The following SORCS3 variants were observed in gnomAD, a reference collection of about 807,000 sequenced individuals.
SORCS3 encodes the protein sortilin related VPS10 domain containing receptor 3.
SORCS3 carries 57 observed loss-of-function variants against 146.3 expected under a neutral mutation model. The ratio of observed to expected loss-of-function variants is 0.39; its 90% CI spans 0.31 to 0.49. The LOEUF is 0.49. Among genes scored for constraint, SORCS3 ranks in the 20% least tolerant of loss-of-function variants. The pLI is 0.92. For synonymous variants in SORCS3, 653 were observed against 618.5 expected, an observed-to-expected ratio of 1.06 and a Z score of -0.83; for missense variants, 1,341 against 1,575.5, an observed-to-expected ratio of 0.85 and a Z score of 2.52.
At position 104,641,800 on chromosome 10, in the gene SORCS3, G is replaced by A; in HGVS notation, c.473G>A (p.Arg158His). The A allele has an allele frequency of 2.6e-6, 4 of 1,550,490 alleles. No individual in the cohort carries two copies. Among genetic ancestry groups the A allele is most frequent in the Non-Finnish European group, 3.5e-6 (4 of 1,148,068 alleles). Residue 158 changes from arginine (R) to histidine (H), a missense_variant, in exon 1 of 27, where the codon CGT (arginine) becomes CAT (histidine). Arg to His is a conservative substitution (Grantham distance 29). Transcript: ENST00000369701. This position sits in a 1 kb window ranked among gnomAD's most constrained non-coding sequence, Gnocchi z 6.4. ...CCGGCCGATGGTTCCAGAGGAAGCCGTCCCCTTGCTAAGGGTTCCCGGGAG... is the reference window on the plus strand; with the variant it reads ...CCGGCCGATGGTTCCAGAGGAAGCCATCCCCTTGCTAAGGGTTCCCGGGAG... Reference protein sequence around the residue: ...TAPADGSRGSRPLAKGSREEV... With the variant: ...TAPADGSRGSHPLAKGSREEV...
chr10:105,024,721 G>A lies in SORCS3; in HGVS notation c.955-18334G>A, dbSNP rs550886033. ...TTCCACTTCAGGCATCATCCAAAAT[G>A]GAGACAGCAAAGCAAGCCTCATTAT... On this transcript the variant is annotated intron_variant, in intron 4 of 26. Transcript: ENST00000369701. Among the ~76,000 whole-genome samples the A allele has an allele frequency of 1.1e-4, 16 of 152,250 alleles. No individual in the cohort carries two copies. In the South Asian group the frequency reaches 2.7e-3, roughly 26 times the overall value.
intron 1 of SORCS3, among the ~76,000 whole-genome samples, chr10:104,806,612 A>ACGTAAGTT (rs1283871444): frequency 6.6e-6 from 1 of 152,222 alleles, no homozygotes; most frequent in Admixed American, 6.5e-5. Context: ...AAGGGAAATA[A>ACGTAAGTT]CGTAAGTTTT....
chr10:104,997,142 G>A (rs2055032110), intron 4 of SORCS3, among the ~76,000 whole-genome samples: 1 of 152,138 alleles, frequency 6.6e-6, no homozygotes, highest in Non-Finnish European at 1.5e-5. Flanking sequence ...TGATCAGAAA[G>A]TTACTCTGAG....
At chr10:104,759,507 TC>T (rs1428737997) in intron 1 of SORCS3, among the ~76,000 whole-genome samples, 1 of 152,200 alleles carries the variant, frequency 6.6e-6, no homozygotes, top group East Asian at 1.9e-4. Context: ...AACAGGGGAT[TC>T]TTGGATAATA....
chr10:105,143,885 G>T (rs2056112553), intron 8 of SORCS3, among the ~76,000 whole-genome samples: 1 of 152,056 alleles, frequency 6.6e-6, no homozygotes, highest in African/African-American at 2.4e-5. Flanking sequence ...GGCTTCCTTG[G>T]TTCAGGCCCT....
At chr10:104,731,303 G>C (rs1247937375) in intron 1 of SORCS3, among the ~76,000 whole-genome samples, 1 of 152,176 alleles carries the variant, frequency 6.6e-6, no homozygotes, top group Non-Finnish European at 1.5e-5. Context: ...GGATATCATG[G>C]CTATCTTTTC....
chr10:104,920,109 T>C (rs889117915), intron 3 of SORCS3, among the ~76,000 whole-genome samples: 2 of 152,238 alleles, frequency 1.3e-5, no homozygotes, highest in Admixed American at 6.5e-5. Flanking sequence ...ACCCAAATTA[T>C]CTGTAGCAAC....
intron 1 of SORCS3, among the ~76,000 whole-genome samples, chr10:104,827,279 A>C (rs933977846): frequency 1.3e-5 from 2 of 152,150 alleles, no homozygotes; most frequent in African/African-American, 4.8e-5. Flanking sequence ...GTTTATGGCA[A>C]CATAGTTTTA....
intron 4 of SORCS3, among the ~76,000 whole-genome samples, chr10:105,041,343 T>C (rs1025911046): frequency 6.8e-6 from 1 of 147,926 alleles, no homozygotes; most frequent in African/African-American, 2.5e-5. Flanking sequence ...AACTCAAACC[T>C]ATAACACAGC....
chr10:105,034,172 C>T (rs2055289814), intron 4 of SORCS3, among the ~76,000 whole-genome samples: 1 of 152,068 alleles, frequency 6.6e-6, no homozygotes, highest in Non-Finnish European at 1.5e-5. Context: ...GACAGTGGAC[C>T]TGGTGCTGTC....
intron 1 of SORCS3, among the ~76,000 whole-genome samples, chr10:104,643,424 G>A (rs571793545): frequency 3.9e-5 from 6 of 152,364 alleles, no homozygotes; most frequent in African/African-American, 1.4e-4. Flanking sequence ...AGCCCAGCCT[G>A]GGTAGCCCAT....
At chr10:105,012,372 T>C (rs2055140795) in intron 4 of SORCS3, among the ~76,000 whole-genome samples, 2 of 152,278 alleles carry the variant, frequency 1.3e-5, no homozygotes, top group Middle Eastern at 3.4e-3. Context: ...GGAAATATGA[T>C]TGGATTCTTT....
At chr10:104,674,723 C>T (rs936020875) in intron 1 of SORCS3, among the ~76,000 whole-genome samples, 2 of 152,200 alleles carry the variant, frequency 1.3e-5, no homozygotes, top group African/African-American at 4.8e-5. Context: ...ATTTGTTACA[C>T]AGCAATAGAT....
At chr10:104,682,307 A>AATG (rs1373459255) in intron 1 of SORCS3, among the ~76,000 whole-genome samples, 3 of 152,240 alleles carry the variant, frequency 2.0e-5, no homozygotes, top group African/African-American at 7.2e-5. Context: ...ATGAATGAAT[A>AATG]TGAGGCCAGG....
At chr10:104,976,214 G>C (rs935382947) in intron 3 of SORCS3, among the ~76,000 whole-genome samples, 1 of 151,992 alleles carries the variant, frequency 6.6e-6, no homozygotes, top group Non-Finnish European at 1.5e-5. Flanking sequence ...AAATTTACAA[G>C]AAAAAAGCAA....
intron 1 of SORCS3, among the ~76,000 whole-genome samples, chr10:104,684,583 G>C (rs1388175758): frequency 3.9e-5 from 6 of 152,112 alleles, no homozygotes; most frequent in Non-Finnish European, 7.4e-5. Context: ...GGACCCTGCT[G>C]CTGCTCAGCC....
intron 20 of SORCS3, among the ~76,000 whole-genome samples, chr10:105,235,393 A>T (rs2056787449): frequency 6.6e-6 from 1 of 151,324 alleles, no homozygotes; most frequent in Admixed American, 6.6e-5. Flanking sequence ...TCACAAAGTG[A>T]AGGGGCTTCC....
chr10:104,944,335 A>T (rs979294182), intron 3 of SORCS3, among the ~76,000 whole-genome samples: 1 of 152,322 alleles, frequency 6.6e-6, no homozygotes, highest in East Asian at 1.9e-4. Flanking sequence ...CTTCTAAAAA[A>T]TTTTGACTAT....
At chr10:105,239,935 G>C (rs577222069) in intron 20 of SORCS3, among the ~76,000 whole-genome samples, 1 of 152,286 alleles carries the variant, frequency 6.6e-6, no homozygotes, top group South Asian at 2.1e-4. Context: ...AGAAACAAAA[G>C]CAATTTGGAA....
Sources: gnomAD v4.1 joint callset for allele counts (sites outside exome capture counted in the v4.1 genomes callset) on GRCh38, gnomAD v4.1.1 for gene constraint, Gnocchi (gnomAD v3.1) non-coding constraint, MANE v1.5 for transcripts, NCBI Gene and HGNC (gene_info 2026-07-23, HGNC 2026-07-21) for gene names.